Variants in SEC61A1 observed in about 807,000 individuals in gnomAD.
SEC61A1 encodes protein transport protein Sec61 subunit alpha isoform 1.
A neutral mutation model predicts 55.2 loss-of-function variants in SEC61A1; 15 were observed. The observed-to-expected ratio is 0.27, with a 90% CI of 0.18 to 0.42. The LOEUF is 0.42. Ranked by LOEUF, SEC61A1 falls within the 10% of genes least tolerant of loss-of-function variation. The pLI is 1.00. For synonymous variants in SEC61A1, 247 were observed against 234.0 expected (o/e 1.06, Z -0.51); for missense variants, 284 against 602.6 (o/e 0.47, Z 5.53).
At chr3:128,068,197 T>C in intron 11 of SEC61A1, 138 bp downstream of exon 11, 1 of 650,804 alleles carries the variant, frequency 1.5e-6, no homozygotes, top group South Asian at 1.8e-5. Context: ...AATTAAATGT[T>C]ATATATTTAT....
At chr3:128,062,977 A>G (rs1559796604) in intron 7 of SEC61A1, among the ~76,000 whole-genome samples, 2 of 152,222 alleles carry the variant, frequency 1.3e-5, no homozygotes, top group South Asian at 2.1e-4. Flanking sequence ...CTCACCATCC[A>G]GATCTGGGTC....
intron 11 of SEC61A1, 35 bp downstream of exon 11, chr3:128,068,094 T>G (rs1249412591): frequency 3.9e-6 from 6 of 1,546,012 alleles, no homozygotes; most frequent in African/African-American, 1.4e-5. Context: ...ACCTCCCGTC[T>G]GTGGACATGT....
At chr3:128,056,530 G>A (rs1264508806) in intron 4 of SEC61A1, among the ~76,000 whole-genome samples, 179 bp from the exon 5 acceptor site, 1 of 152,218 alleles carries the variant, frequency 6.6e-6, no homozygotes, top group Admixed American at 6.5e-5. Flanking sequence ...TGAACAGAAT[G>A]AATTGAATTA....
At chr3:128,060,323 A>C (rs1941833791) in intron 6 of SEC61A1, 112 bp downstream of exon 6, 1 of 1,055,906 alleles carries the variant, frequency 9.5e-7, no homozygotes, top group Non-Finnish European at 1.4e-6. Flanking sequence ...AGGAAGCAGA[A>C]GCCTAAGACT....
chr3:128,058,294 C>T (rs530323054), intron 5 of SEC61A1, among the ~76,000 whole-genome samples: 10 of 148,528 alleles, frequency 6.7e-5, no homozygotes, highest in South Asian at 6.4e-4. Context: ...CTGCAAGCTC[C>T]GCTTCCTGGG....
At chr3:128,053,847 G>A (rs961234771) in intron 2 of SEC61A1, among the ~76,000 whole-genome samples, 1 of 152,202 alleles carries the variant, frequency 6.6e-6, no homozygotes, top group Admixed American at 6.5e-5. Flanking sequence ...AGGGAAATAC[G>A]TGCAAGGTAT....
rs1005624914 is a variant in SEC61A1, at chr3:128,067,707, C to T, written c.1167+95C>T. The T allele has an allele frequency of 1.9e-6, 2 of 1,062,908 alleles. No homozygotes were observed. Among genetic ancestry groups the T allele is most frequent in the South Asian group, 1.5e-5 (1 of 65,722 alleles). The allele number at this position is 1,062,908 out of a possible 1,614,324, so 65.8% of individuals were successfully genotyped here. On this transcript the variant is annotated intron_variant, in intron 10 of 11. Coordinates refer to ENST00000243253, the MANE Select transcript of SEC61A1 (RefSeq NM_013336.4). The surrounding 1 kb of genome is among the most constrained non-coding windows in gnomAD (Gnocchi z 4.1). ...CCTCATCATAAATAATGGTCTGTGA[C>T]GTGTGCAGATAGATCGTCGTCCTTT...
intron 7 of SEC61A1, chr3:128,064,657 A>T: frequency 1.9e-6 from 1 of 537,602 alleles, no homozygotes; most frequent in Non-Finnish European, 3.3e-6. Context: ...GTCTAAAAAA[A>T]ATCAAAAACA....
intron 5 of SEC61A1, among the ~76,000 whole-genome samples, chr3:128,058,836 A>G (rs1318276762): frequency 6.6e-6 from 1 of 152,122 alleles, no homozygotes; most frequent in East Asian, 2.0e-4. Flanking sequence ...TGCCCGGGCA[A>G]CAGAGCCTGT....
At chr3:128,052,006 C>G (rs1941681147), upstream of SEC61A1, 9 of 928,792 alleles carry the variant, frequency 9.7e-6, no homozygotes, top group East Asian at 2.6e-5. Context: ...GGTCCCTGCT[C>G]CAGGGAGCTT....
intron 8 of SEC61A1, among the ~76,000 whole-genome samples, chr3:128,065,844 C>T (rs1041766376): frequency 4.1e-5 from 6 of 146,774 alleles, no homozygotes; most frequent in South Asian, 2.1e-4. Flanking sequence ...CAGGTTCAAG[C>T]GATTCTCCTG....
intron 2 of SEC61A1, among the ~76,000 whole-genome samples, chr3:128,053,513 GA>G (rs1163502820): frequency 1.3e-5 from 2 of 152,040 alleles, no homozygotes; most frequent in Non-Finnish European, 1.5e-5. Context: ...AGCTGTCAAC[GA>G]AAAAAAGTTT....
chr3:128,062,157 G>A (rs1941861749), intron 7 of SEC61A1, among the ~76,000 whole-genome samples: 1 of 152,230 alleles, frequency 6.6e-6, no homozygotes, highest in African/African-American at 2.4e-5. Context: ...TGGCCTTGAA[G>A]TCAGTGTGTC....
At chr3:128,055,411 C>A in intron 2 of SEC61A1, 105 bp from the exon 3 acceptor site, 1 of 881,078 alleles carries the variant, frequency 1.1e-6, no homozygotes, top group Non-Finnish European at 1.9e-6. Flanking sequence ...AGAAAAGAGT[C>A]TGGTTGGAGT....
intron 6 of SEC61A1, 132 bp from the exon 7 acceptor site, chr3:128,060,376 C>G (rs1576420929): frequency 1.8e-6 from 2 of 1,137,468 alleles, no homozygotes; most frequent in East Asian, 4.7e-5. Context: ...GCTTTACTGA[C>G]CGCTCTCTGG....
chr3:128,056,466 T>C (rs1941771883), intron 4 of SEC61A1, among the ~76,000 whole-genome samples: 1 of 152,332 alleles, frequency 6.6e-6, no homozygotes, highest in African/African-American at 2.4e-5. Flanking sequence ...AATGCAGCAG[T>C]CTGTTTAGAC....
chr3:128,066,753 G>A (rs1184891113), intron 8 of SEC61A1: 20 of 580,202 alleles, frequency 3.4e-5, no homozygotes, highest in East Asian at 2.9e-5. Flanking sequence ...AGCTTTTCTG[G>A]GCCCCTTCTG....
Position 128,059,079 on chromosome 3 carries a change from C to G in SEC61A1, c.353-1023C>G, listed in dbSNP as rs140005179. Among the ~76,000 whole-genome samples, 1,199 of 152,230 alleles carry G rather than the reference C, an allele frequency of 7.9e-3. 22 individuals carry two copies. Among genetic ancestry groups the G allele is most frequent in the African/African-American group, 0.027 (1,142 of 41,528 alleles). On this transcript the variant is annotated intron_variant, in intron 5 of 11. Coordinates refer to ENST00000243253, the MANE Select transcript of SEC61A1 (RefSeq NM_013336.4). ...AGCTGAAACTGAAGGTCAGACTGTACTTAGAGGACCCATCTAGTACTGTGG... is the reference window on the plus strand; with the variant it reads ...AGCTGAAACTGAAGGTCAGACTGTAGTTAGAGGACCCATCTAGTACTGTGG...
At chr3:128,052,966 AGTATGATTAAAAAT>A in intron 2 of SEC61A1, 64 bp downstream of exon 2, 1 of 1,316,718 alleles carries the variant, frequency 7.6e-7, no homozygotes, top group African/African-American at 1.5e-5. Context: ...GGAAGTTTAC[AGTATGATTAAAAAT>A]GGCTTCAGCA....
Sources: allele counts gnomAD v4.1 joint callset (sites outside exome capture counted in the v4.1 genomes callset), GRCh38; gene constraint gnomAD v4.1.1; non-coding constraint Gnocchi (gnomAD v3.1); transcripts MANE v1.5; gene names NCBI Gene and HGNC (gene_info 2026-07-23, HGNC 2026-07-21).